The following HERC3 variants were observed in gnomAD, a reference collection of about 807,000 sequenced individuals.
HERC3 encodes HECT and RLD domain containing E3 ubiquitin protein ligase 3.
Under a neutral mutation model 129.9 loss-of-function variants are expected in HERC3, and 58 were observed. That is an observed-to-expected ratio of 0.45 (90% CI 0.36 to 0.56). HERC3 has a LOEUF of 0.56. HERC3 is among the 20% of genes least tolerant of loss of function. The pLI, the probability that HERC3 is intolerant of heterozygous loss-of-function variation, is 0.00. For missense variants in HERC3, 835 were observed against 1,244.2 expected (o/e 0.67, Z 4.95); for synonymous variants, 430 against 451.0 (o/e 0.95, Z 0.59).
At chr4:88,532,172 A>G in the HERC3 span, among the ~76,000 whole-genome samples, 1 of 152,202 alleles carries the variant, frequency 6.6e-6, no homozygotes, top group Non-Finnish European at 1.5e-5. Context: ...GGCCTGAAAC[A>G]CTATATAGAT....
intron 23 of HERC3, among the ~76,000 whole-genome samples, chr4:88,700,657 CAG>C (rs1735237175): frequency 6.6e-6 from 1 of 151,640 alleles, no homozygotes; most frequent in Non-Finnish European, 1.5e-5. Flanking sequence ...ATCTATATGT[CAG>C]TGTTCTCCAG....
At chr4:88,589,231 A>G (rs979160661), upstream of HERC3, among the ~76,000 whole-genome samples, 1 of 152,058 alleles carries the variant, frequency 6.6e-6, no homozygotes, top group African/African-American at 2.4e-5. Flanking sequence ...CTAGGACTAA[A>G]GGCGTGCCCC....
intron 23 of HERC3, chr4:88,693,614 T>C: frequency 1.0e-6 from 1 of 961,000 alleles, no homozygotes; most frequent in Non-Finnish European, 1.2e-6. Context: ...CCCTTTAAAA[T>C]GGTTAATTTT....
chr4:88,638,265 A>G lies in HERC3; in HGVS notation c.227-11575A>G, dbSNP rs529612317. On this transcript the variant is annotated intron_variant, in intron 3 of 25. Transcript: ENST00000402738. ...ATGAGGCTAGCATCATCCTGATACC[A>G]AAACCTGGCAGAGACACAACAAAAA... 2.0e-5 allele frequency among the ~76,000 whole-genome samples: 3 copies of G among 151,870 alleles called. No individual in the cohort carries two copies. In the East Asian group the frequency reaches 5.9e-4, roughly 30 times the overall value.
intron 3 of HERC3, among the ~76,000 whole-genome samples, chr4:88,636,186 TAA>T (rs1222691488): frequency 6.6e-6 from 1 of 152,142 alleles, no homozygotes; most frequent in Non-Finnish European, 1.5e-5. Context: ...ATGCCCCAAT[TAA>T]AAGATATAGA....
upstream of HERC3, among the ~76,000 whole-genome samples, chr4:88,590,930 G>C (rs1039894941): frequency 6.7e-6 from 1 of 148,370 alleles, no homozygotes; most frequent in African/African-American, 2.5e-5. Context: ...CTGTTGCCCA[G>C]GCTGGAGTAA....
At chr4:88,706,660 G>T in intron 25 of HERC3, 92 bp from the exon 26 acceptor site, 1 of 926,230 alleles carries the variant, frequency 1.1e-6, no homozygotes, top group Non-Finnish European at 1.7e-6. Context: ...CAAGCCACAG[G>T]GTGTCATGCC....
At chr4:88,625,836 A>G (rs911759762) in intron 3 of HERC3, among the ~76,000 whole-genome samples, 6 of 151,462 alleles carry the variant, frequency 4.0e-5, no homozygotes, top group African/African-American at 9.7e-5. Context: ...ATATTTAGTG[A>G]TTTTTTTTTA....
intron 19 of HERC3, among the ~76,000 whole-genome samples, chr4:88,679,313 T>G (rs1452839334): frequency 2.6e-5 from 4 of 152,190 alleles, no homozygotes; most frequent in Non-Finnish European, 2.9e-5. Flanking sequence ...TAGAATACCC[T>G]CTTCTCTTCT....
At chr4:88,656,386 G>T in intron 9 of HERC3, 1 of 204,426 alleles carries the variant, frequency 4.9e-6, no homozygotes, top group South Asian at 1.1e-4. Context: ...GAGGCCTCAG[G>T]AATCTTACAG....
At position 88,652,015 on chromosome 4, in the gene HERC3, A is replaced by G; in HGVS notation, c.390A>G (p.Leu130=). The G allele has an allele frequency of 1.2e-6, 2 of 1,610,816 alleles. No homozygotes were observed. The highest frequency in any genetic ancestry group is 1.1e-5 in the South Asian group (1 of 90,978). ...AAGAAAGCCTTTTCTGTTTTAGGTT[A>G]ATACAAAAGCTGAACCAGCAAACAA... The part of the protein sequence containing the change: ...TTEDSVAVPR[L]IQKLNQQTIL... The change falls in exon 5 of 26, where the codon TTA becomes TTG. Residue 130 remains leucine, a synonymous_variant. Coordinates refer to ENST00000402738, the MANE Select transcript of HERC3 (RefSeq NM_014606.3).
Position 88,659,121 on chromosome 4 carries a change from C to T in HERC3, c.1146+630C>T, listed in dbSNP as rs1274666915. ...GGGGGAATTCAGTCTGGAAAAACTC[C>T]ACAGATTTGTTGTCAGTGCTGGACT... On this transcript the variant is annotated intron_variant, in intron 10 of 25. Transcript: ENST00000402738. Among the ~76,000 whole-genome samples the T allele has an allele frequency of 2.0e-5, 3 of 152,258 alleles. No individual in the cohort carries two copies. The East Asian group carries it at 5.8e-4, about 29-fold the overall frequency.
At chr4:88,681,348 G>T in intron 21 of HERC3, 23 bp downstream of exon 21, 1 of 1,597,156 alleles carries the variant, frequency 6.3e-7, no homozygotes, top group South Asian at 1.1e-5. Context: ...AAGGCGATTG[G>T]TATCTGAAAC....
chr4:88,663,366 C>G (rs565913807), intron 11 of HERC3, among the ~76,000 whole-genome samples: 1 of 152,258 alleles, frequency 6.6e-6, no homozygotes, highest in South Asian at 2.1e-4. Flanking sequence ...CCAAGGAGCT[C>G]AGGCTGAAGG....
At chr4:88,552,978 T>C in the HERC3 span, among the ~76,000 whole-genome samples, 1 of 152,228 alleles carries the variant, frequency 6.6e-6, no homozygotes, top group African/African-American at 2.4e-5. Context: ...CAGTAATCTT[T>C]ACCCTCTAAG....
upstream of HERC3, among the ~76,000 whole-genome samples, chr4:88,587,974 A>C (rs1469321968): frequency 1.3e-5 from 2 of 152,256 alleles, no homozygotes; most frequent in Non-Finnish European, 2.9e-5. Flanking sequence ...CACTTCCTAA[A>C]GGCTTTATTG....
intron 3 of HERC3, among the ~76,000 whole-genome samples, chr4:88,635,085 G>C (rs28890533): frequency 0.043 from 6,607 of 152,156 alleles, 181 homozygotes; most frequent in Middle Eastern, 0.12. Flanking sequence ...CCAAAAGGCA[G>C]AGTGCCTCTT....
At chr4:88,643,176 C>T (rs1256015914) in intron 3 of HERC3, among the ~76,000 whole-genome samples, 1 of 152,054 alleles carries the variant, frequency 6.6e-6, no homozygotes, top group Non-Finnish European at 1.5e-5. Flanking sequence ...ATAACTTTAA[C>T]AAAACATATA....
chr4:88,605,900 A>G lies in HERC3; in HGVS notation c.77A>G (p.Gln26Arg). The G allele has an allele frequency of 6.2e-7, 1 of 1,614,198 alleles. No individual in the cohort carries two copies. The highest frequency in any genetic ancestry group is 8.5e-7 in the Non-Finnish European group (1 of 1,180,040). ...TNLQGIVAEP[Q>R]VCGFISDRSV... Reference sequence around the variant, plus strand: ...CTGCAGGGAATTGTGGCTGAGCCCCAGGTGTGTGGGTTCATATCTGACAGA... The same window carrying G: ...CTGCAGGGAATTGTGGCTGAGCCCCGGGTGTGTGGGTTCATATCTGACAGA... The change falls in exon 3 of 26, where the codon CAG becomes CGG. Residue 26 changes from glutamine (Q) to arginine (R), a missense_variant. Transcript: ENST00000402738.
Sources: gnomAD v4.1 joint callset for allele counts (sites outside exome capture counted in the v4.1 genomes callset) on GRCh38, gnomAD v4.1.1 for gene constraint, MANE v1.5 for transcripts, NCBI Gene and HGNC (gene_info 2026-07-23, HGNC 2026-07-21) for gene names.